Variants in PRKCH observed in about 807,000 individuals in gnomAD.
PRKCH encodes the protein protein kinase C eta type.
Under a neutral mutation model 82.5 loss-of-function variants are expected in PRKCH, and 28 were observed. That is an observed-to-expected ratio of 0.34 (90% confidence interval 0.25 to 0.47). The LOEUF is 0.47. Ranked by LOEUF, PRKCH falls within the 20% of genes least tolerant of loss-of-function variation. The pLI is 1.00. For missense variants in PRKCH, 705 were observed against 881.8 expected, an observed-to-expected ratio of 0.80 and a Z score of 2.54; for synonymous variants, 322 against 327.4, an observed-to-expected ratio of 0.98 and a Z score of 0.18.
Position 61,440,712 on chromosome 14 carries a change from A to G in PRKCH, c.428-2399A>G, listed in dbSNP as rs551038364. On this transcript the variant is annotated intron_variant, in intron 2 of 13. Transcript: ENST00000332981. ...AACATGGTGAAACCCTGTCTCTACT[A>G]AAAATACGAAAATTAGCTGGGCTTG... 1.4e-4 allele frequency among the ~76,000 whole-genome samples: 21 copies of G among 152,120 alleles called. No homozygotes were observed. In the South Asian group the frequency reaches 3.7e-3, roughly 27 times the overall value.
chr14:61,204,183 A>G (rs1410781999), intron 1 of PRKCH, among the ~76,000 whole-genome samples: 1 of 152,134 alleles, frequency 6.6e-6, no homozygotes, highest in Non-Finnish European at 1.5e-5. Context: ...CCATCCCTCT[A>G]AAAACCTCAC....
chr14:61,286,051 A>G (rs1177054422), intron 1 of PRKCH, among the ~76,000 whole-genome samples: 2 of 152,206 alleles, frequency 1.3e-5, no homozygotes, highest in Non-Finnish European at 2.9e-5. Flanking sequence ...AATAAAAATA[A>G]CTTCACTTGT....
chr14:61,280,595 G>T lies in PRKCH; in HGVS notation c.-19+92927G>T. The T allele has an allele frequency of 6.3e-7, 1 of 1,592,548 alleles. No individual in the cohort carries two copies. The highest frequency in any genetic ancestry group is 8.5e-7 in the Non-Finnish European group (1 of 1,169,866). ...CGGTCGAGCGGCACCTCGACGTAGG[G>T]CCCGCCGGGCTGGCGCTGGTGCCAA... On this transcript the variant is annotated intron_variant, in intron 1 of 3. Coordinates refer to the PRKCH transcript ENST00000555185. This position sits in a 1 kb window ranked among gnomAD's most constrained non-coding sequence, Gnocchi z 5.0.
chr14:61,505,395 C>CTTTTTCTTTTTTTTTTTT (rs1887099057), intron 10 of PRKCH, among the ~76,000 whole-genome samples: 10 of 55,764 alleles, frequency 1.8e-4, no homozygotes, highest in African/African-American at 1.9e-4. Flanking sequence ...CTTTTCTTTT[C>CTTTTTCTTTTTTTTTTTT]TTTTTTTTTT....
chr14:61,529,336 GACAC>G, intron 11 of PRKCH, 123 bp downstream of exon 11: 3 of 1,105,648 alleles, frequency 2.7e-6, no homozygotes, highest in Non-Finnish European at 3.7e-6. Flanking sequence ...GTCTAGAGCC[GACAC>G]CTCTAGACTC....
intron 1 of PRKCH, among the ~76,000 whole-genome samples, chr14:61,377,670 A>C (rs2046443648): frequency 6.6e-6 from 1 of 152,248 alleles, no homozygotes; most frequent in Non-Finnish European, 1.5e-5. Context: ...AATAGGCAGC[A>C]GCTGGCATTG....
chr14:61,417,384 G>A (rs1462190162), intron 2 of PRKCH, among the ~76,000 whole-genome samples: 1 of 152,084 alleles, frequency 6.6e-6, no homozygotes, highest in African/African-American at 2.4e-5. Flanking sequence ...CTGATTTCTA[G>A]GGCTGTCAGT....
chr14:61,489,341 A>C (rs183831081), intron 10 of PRKCH, among the ~76,000 whole-genome samples: 1 of 152,352 alleles, frequency 6.6e-6, no homozygotes, highest in African/African-American at 2.4e-5. Context: ...TACAAAGATG[A>C]TACCATATGC....
intron 13 of PRKCH, among the ~76,000 whole-genome samples, chr14:61,549,467 G>A (rs1284653771): frequency 1.3e-5 from 2 of 152,202 alleles, no homozygotes; most frequent in African/African-American, 4.8e-5. Flanking sequence ...AGATTTTCAT[G>A]GGATTAGTGA....
rs986365685 is a variant in PRKCH at position 61,457,917 on chromosome 14, T to C, written c.1278+238T>C. ...GAAGGAGCACCGTGAGGGTTGTGTG[T>C]CCCAGGATTGAAAAGGTCATCATAC... On this transcript the variant is annotated intron_variant, in intron 9 of 13. Coordinates refer to ENST00000332981, the MANE Select transcript of PRKCH (RefSeq NM_006255.5). Among the ~76,000 whole-genome samples the C allele has an allele frequency of 6.6e-5, 10 of 152,312 alleles. No homozygotes were observed. The South Asian group carries it at 1.2e-3, about 19-fold the overall frequency.
At chr14:61,406,301 A>AGGGTCAGGTTACAGTTTTTGCGTTAG (rs11158342) in intron 2 of PRKCH, among the ~76,000 whole-genome samples, 20,111 of 151,958 alleles carry the variant, frequency 0.13, 2,058 homozygotes, top group East Asian at 0.31. Flanking sequence ...TGCTGCGACA[A>AGGGTCAGGTTACAGTTTTTGCGTTAG]GGGTCAGGTT....
chr14:61,338,254 A>G (rs973852436), intron 1 of PRKCH, among the ~76,000 whole-genome samples: 7 of 152,168 alleles, frequency 4.6e-5, no homozygotes, highest in African/African-American at 1.4e-4. Context: ...GAAAGGAAAA[A>G]TTCCTTATCA....
intron 6 of PRKCH, among the ~76,000 whole-genome samples, chr14:61,451,434 G>A (rs1884504562): frequency 1.3e-5 from 2 of 152,226 alleles, no homozygotes; most frequent in African/African-American, 4.8e-5. Flanking sequence ...GAATAGATCT[G>A]ATGATCTCAC....
intron 1 of PRKCH, chr14:61,281,207 C>T (rs2045262769): frequency 2.7e-6 from 3 of 1,099,436 alleles, no homozygotes; most frequent in South Asian, 7.9e-5. Flanking sequence ...CGCGGGGCGC[C>T]TCCCTCTCCG....
intron 2 of PRKCH, among the ~76,000 whole-genome samples, chr14:61,422,794 T>C (rs556925223): frequency 1.3e-5 from 2 of 152,006 alleles, no homozygotes; most frequent in South Asian, 2.1e-4. Flanking sequence ...GGCATCCCCA[T>C]TTTTTTTAAA....
chr14:61,318,834 C>G (rs1436102654), upstream of PRKCH, among the ~76,000 whole-genome samples: 1 of 152,102 alleles, frequency 6.6e-6, no homozygotes, highest in Non-Finnish European at 1.5e-5. Flanking sequence ...ACTACAGGCA[C>G]ATGCCACCAC....
At chr14:61,188,945 A>G (rs1253472112) in intron 1 of PRKCH, among the ~76,000 whole-genome samples, 2 of 151,922 alleles carry the variant, frequency 1.3e-5, no homozygotes, top group South Asian at 2.1e-4. Context: ...GTCTCGAACT[A>G]CTGACCTCAG....
chr14:61,218,503 G>A (rs1395016186), intron 1 of PRKCH, among the ~76,000 whole-genome samples: 1 of 152,130 alleles, frequency 6.6e-6, no homozygotes, highest in African/African-American at 2.4e-5. Context: ...GGGCACAAAT[G>A]TATGCTTTTG....
intron 10 of PRKCH, among the ~76,000 whole-genome samples, chr14:61,505,049 A>G (rs187838736): frequency 2.1e-4 from 32 of 152,272 alleles, no homozygotes; most frequent in African/African-American, 7.2e-4. Flanking sequence ...AGTTACATGG[A>G]AGGAAATAAG....
Sources: allele counts gnomAD v4.1 joint callset (sites outside exome capture counted in the v4.1 genomes callset), GRCh38; gene constraint gnomAD v4.1.1; non-coding constraint Gnocchi (gnomAD v3.1); transcripts MANE v1.5; gene names NCBI Gene and HGNC (gene_info 2026-07-23, HGNC 2026-07-21).